The following ACTR3C variants were observed in gnomAD, a reference collection of about 807,000 sequenced individuals.
The protein encoded by ACTR3C is actin related protein 3C.
A neutral mutation model predicts 26.3 loss-of-function variants in ACTR3C; 18 were observed. The ratio of observed to expected loss-of-function variants is 0.68; its 90% CI spans 0.47 to 1.01. The LOEUF is 1.01. ACTR3C is among the 50% of genes least tolerant of loss of function. The pLI is 0.00. For missense variants in ACTR3C, 184 were observed against 250.7 expected, an observed-to-expected ratio of 0.73 and a Z score of 1.80; for synonymous variants, 55 against 94.5, an observed-to-expected ratio of 0.58 and a Z score of 2.42.
chr7:150,090,080 G>A, the ACTR3C span, among the ~76,000 whole-genome samples: 1 of 152,206 alleles, frequency 6.6e-6, no homozygotes, highest in Non-Finnish European at 1.5e-5. Context: ...TAGACACTGA[G>A]AACAAAACCT....
the ACTR3C span, among the ~76,000 whole-genome samples, chr7:150,159,748 C>A: frequency 1.6e-4 from 24 of 152,288 alleles, no homozygotes; most frequent in South Asian, 1.2e-3. Flanking sequence ...CCTGTGAAAT[C>A]TCCAAAACCC....
intron 1 of ACTR3C, among the ~76,000 whole-genome samples, chr7:150,316,483 A>ATT (rs35767189): frequency 2.8e-3 from 226 of 80,416 alleles, no homozygotes; most frequent in Non-Finnish European, 4.6e-3. Flanking sequence ...GAATCTGGTT[A>ATT]TTTTTTTTTT....
the ACTR3C span, among the ~76,000 whole-genome samples, chr7:150,087,154 A>G: frequency 6.7e-6 from 1 of 149,084 alleles, no homozygotes; most frequent in African/African-American, 2.5e-5. Context: ...TTTTTTTTTA[A>G]CTTCTAGAAC....
intron 6 of ACTR3C, among the ~76,000 whole-genome samples, chr7:150,256,913 T>A (rs1301578933): frequency 6.6e-6 from 1 of 152,188 alleles, no homozygotes; most frequent in African/African-American, 2.4e-5. Flanking sequence ...TAAGAATAAT[T>A]ATATCCTAAT....
intron 1 of ACTR3C, among the ~76,000 whole-genome samples, chr7:150,306,628 C>T (rs1584980310): frequency 2.0e-5 from 3 of 152,196 alleles, no homozygotes; most frequent in African/African-American, 4.8e-5. Context: ...GGGAGGATCA[C>T]TTAAGCCCAG....
At chr7:149,983,100 G>A in the ACTR3C span, among the ~76,000 whole-genome samples, 23,164 of 150,456 alleles carry the variant, frequency 0.15, 3,454 homozygotes, top group African/African-American at 0.39. Context: ...CTTACCTTAT[G>A]CTGTACATAA....
At chr7:150,186,691 C>T in the ACTR3C span, among the ~76,000 whole-genome samples, 9 of 152,160 alleles carry the variant, frequency 5.9e-5, no homozygotes, top group African/African-American at 2.2e-4. Flanking sequence ...CAATACTTAT[C>T]CCATCATTGT....
the ACTR3C span, among the ~76,000 whole-genome samples, chr7:150,110,686 T>C: frequency 3.2e-5 from 2 of 61,768 alleles, no homozygotes; most frequent in Non-Finnish European, 6.1e-5. Context: ...GGATGATCAG[T>C]GGTGGGGCTG....
At chr7:150,269,300 T>A (rs919617480) in intron 6 of ACTR3C, among the ~76,000 whole-genome samples, 4 of 136,616 alleles carry the variant, frequency 2.9e-5, no homozygotes, top group Non-Finnish European at 4.7e-5. Flanking sequence ...TGACAGGGCG[T>A]TCGGAGCCCT....
At chr7:150,041,625 G>A in the ACTR3C span, among the ~76,000 whole-genome samples, 6 of 115,424 alleles carry the variant, frequency 5.2e-5, no homozygotes, top group Non-Finnish European at 9.4e-5. Flanking sequence ...TCCCTGCCTC[G>A]CGGGGGGTGC....
At position 150,274,997 on chromosome 7, in the gene ACTR3C, C is replaced by T. The variant is rs1266642604; in HGVS notation, c.564+9756G>A. Among the ~76,000 whole-genome samples the T allele has an allele frequency of 6.6e-6, 1 of 152,150 alleles. No homozygotes were observed. The highest frequency in any genetic ancestry group is 1.5e-5 in the Non-Finnish European group (1 of 68,022). On this transcript the variant is annotated intron_variant, in intron 6 of 7. Coordinates refer to ENST00000683684, the MANE Select transcript of ACTR3C (RefSeq NM_001164458.2). This position sits in a 1 kb window ranked among gnomAD's most constrained non-coding sequence, Gnocchi z 4.1. The stretch of plus-strand genomic sequence containing the variant: ...TCAGAACTGCAACTGGAAATCCAAA[C>T]GCATTCAAAAACTGGCTAAGGCAGG...
the ACTR3C span, among the ~76,000 whole-genome samples, chr7:150,110,830 G>A: frequency 7.3e-6 from 1 of 136,784 alleles, no homozygotes; most frequent in Non-Finnish European, 1.6e-5. Flanking sequence ...AGGCTGGCAG[G>A]GGGGTGGGCT....
chr7:150,258,076 T>C (rs1833351392), intron 6 of ACTR3C, among the ~76,000 whole-genome samples: 1 of 152,170 alleles, frequency 6.6e-6, no homozygotes, highest in Non-Finnish European at 1.5e-5. Flanking sequence ...GGTAAATGAA[T>C]AGGCAGCCAA....
the ACTR3C span, among the ~76,000 whole-genome samples, chr7:150,019,347 A>T: frequency 3.3e-5 from 5 of 150,050 alleles, no homozygotes; most frequent in African/African-American, 1.0e-4. Context: ...TAATCCCGAC[A>T]CTTTGGGAGG....
chr7:150,282,260 G>A (rs1337055890), intron 6 of ACTR3C, among the ~76,000 whole-genome samples: 8 of 150,046 alleles, frequency 5.3e-5, no homozygotes, highest in African/African-American at 1.7e-4. Flanking sequence ...TGTTCCAGAA[G>A]GGCAGCCACA....
the ACTR3C span, among the ~76,000 whole-genome samples, chr7:150,070,011 A>T: frequency 1.3e-5 from 2 of 152,312 alleles, no homozygotes; most frequent in African/African-American, 4.8e-5. Context: ...GGAAAGGAAC[A>T]TGGACGCCTT....
the ACTR3C span, among the ~76,000 whole-genome samples, chr7:150,020,000 T>C: frequency 1.3e-5 from 2 of 152,164 alleles, no homozygotes; most frequent in Admixed American, 1.3e-4. Flanking sequence ...TGTCTATTAT[T>C]GAATATGGTG....
chr7:150,213,490 G>A, the ACTR3C span, among the ~76,000 whole-genome samples: 1 of 152,178 alleles, frequency 6.6e-6, no homozygotes, highest in African/African-American at 2.4e-5. Context: ...GACTCACTTG[G>A]AAAGTGGAAA....
chr7:150,106,894 T>C, the ACTR3C span, among the ~76,000 whole-genome samples: 1 of 146,330 alleles, frequency 6.8e-6, no homozygotes, highest in South Asian at 2.1e-4. Flanking sequence ...ACTTTTCAGC[T>C]TGGTTTAGAA....
Sources: allele counts gnomAD v4.1 joint callset (sites outside exome capture counted in the v4.1 genomes callset), GRCh38; gene constraint gnomAD v4.1.1; non-coding constraint Gnocchi (gnomAD v3.1); transcripts MANE v1.5; gene names NCBI Gene and HGNC (gene_info 2026-07-23, HGNC 2026-07-21).